The following MICAL2 variants were observed in gnomAD, a reference collection of about 807,000 sequenced individuals.
MICAL2 encodes the protein [F-actin]-monooxygenase MICAL2.
A neutral mutation model predicts 127.3 loss-of-function variants in MICAL2; 77 were observed. The observed-to-expected ratio is 0.60, with a 90% confidence interval of 0.50 to 0.73. The LOEUF (loss-of-function observed/expected upper bound fraction) is 0.73, where lower values mean the gene tolerates loss of function less well. MICAL2 is among the 30% of genes least tolerant of loss of function. MICAL2 has a pLI of 0.00. For synonymous variants in MICAL2, 570 were observed against 551.1 expected (o/e 1.03, Z -0.48); for missense variants, 1,351 against 1,434.4 (o/e 0.94, Z 0.94).
At chr11:12,171,922 A>C (rs1401505548) in intron 3 of MICAL2, among the ~76,000 whole-genome samples, 1 of 152,196 alleles carries the variant, frequency 6.6e-6, no homozygotes, top group African/African-American at 2.4e-5. Flanking sequence ...CATGTAGTAA[A>C]TATAAAAAAT....
intron 22 of MICAL2, 179 bp from the exon 23 acceptor site, chr11:12,255,464 C>T (rs1011617329): frequency 5.2e-5 from 31 of 598,856 alleles, no homozygotes; most frequent in Non-Finnish European, 6.9e-5. Flanking sequence ...ATTTTCTTTT[C>T]TCCACCTCCA....
chr11:12,175,585 C>CTGTGTGTGTG (rs71313462), intron 3 of MICAL2, among the ~76,000 whole-genome samples: 4,768 of 149,848 alleles, frequency 0.032, 127 homozygotes, highest in Non-Finnish European at 0.04. Flanking sequence ...TGTGGGGAGT[C>CTGTGTGTGTG]TGTGTGTGTG....
chr11:12,203,376 C>T (rs10831764), intron 3 of MICAL2, among the ~76,000 whole-genome samples: 25,320 of 152,130 alleles, frequency 0.17, 3,763 homozygotes, highest in East Asian at 0.42. Flanking sequence ...TTTATTTTCC[C>T]ACCAGCAATG....
downstream of MICAL2, among the ~76,000 whole-genome samples, chr11:12,291,162 G>T (rs796159398): frequency 6.6e-5 from 10 of 152,300 alleles, no homozygotes; most frequent in African/African-American, 2.2e-4. Context: ...GTTCATGGGA[G>T]AGCTGGTTGG....
At chr11:12,130,958 G>A (rs1277519480) in intron 1 of MICAL2, among the ~76,000 whole-genome samples, 2 of 152,168 alleles carry the variant, frequency 1.3e-5, no homozygotes, top group Non-Finnish European at 2.9e-5. Flanking sequence ...TCGCATGACT[G>A]GAGGAGCAGA....
chr11:12,190,203 C>T (rs1196846015), intron 3 of MICAL2, among the ~76,000 whole-genome samples: 2 of 152,050 alleles, frequency 1.3e-5, no homozygotes, highest in African/African-American at 2.4e-5. Context: ...CTAAGGGGCT[C>T]GCTGTTCTCT....
chr11:12,127,018 G>A (rs1850979832), intron 1 of MICAL2, among the ~76,000 whole-genome samples: 2 of 152,212 alleles, frequency 1.3e-5, no homozygotes, highest in African/African-American at 2.4e-5. Flanking sequence ...TGCCTGCTTT[G>A]AAGGTGGGCA....
chr11:12,168,987 A>G (rs117595659), intron 3 of MICAL2, among the ~76,000 whole-genome samples: 5,405 of 150,966 alleles, frequency 0.036, 181 homozygotes, highest in Non-Finnish European at 0.055. Context: ...AAGAGAGAGA[A>G]AAAAAAAGAC....
At chr11:12,349,125 C>T (rs886124114) in intron 32 of MICAL2, among the ~76,000 whole-genome samples, 6 of 152,102 alleles carry the variant, frequency 3.9e-5, no homozygotes, top group Admixed American at 2.6e-4. Context: ...GTGAAATATT[C>T]GAAAGCCACC....
At chr11:12,268,868 A>G (rs2641931) in intron 24 of MICAL2, among the ~76,000 whole-genome samples, 8,659 of 151,748 alleles carry the variant, frequency 0.057, 804 homozygotes, top group African/African-American at 0.19. Context: ...GCGTAGTGGC[A>G]GGCGCCTGTA....
intron 4 of MICAL2, among the ~76,000 whole-genome samples, chr11:12,206,134 G>A (rs6485578): frequency 0.21 from 32,201 of 152,072 alleles, 6,717 homozygotes; most frequent in African/African-American, 0.52. Context: ...GTGCTCTCCC[G>A]CCTATGGAAG....
At chr11:12,319,357 A>AG in intron 29 of MICAL2, among the ~76,000 whole-genome samples, 1 of 151,648 alleles carries the variant, frequency 6.6e-6, no homozygotes, top group Non-Finnish European at 1.5e-5. Context: ...TTTTAATAAT[A>AG]GATTTTATCT....
At chr11:12,173,033 AT>A (rs146529008) in intron 3 of MICAL2, among the ~76,000 whole-genome samples, 84 of 152,220 alleles carry the variant, frequency 5.5e-4, no homozygotes, top group African/African-American at 1.9e-3. Flanking sequence ...ATATACATAT[AT>A]TTTTATGTAT....
chr11:12,316,908 G>T (rs962610834), intron 29 of MICAL2, among the ~76,000 whole-genome samples: 1 of 152,046 alleles, frequency 6.6e-6, no homozygotes, highest in Non-Finnish European at 1.5e-5. Context: ...TTCATTCCCC[G>T]TGATTTTTCT....
chr11:12,273,266 T>C (rs115679414), upstream of MICAL2, among the ~76,000 whole-genome samples: 1,247 of 152,334 alleles, frequency 8.2e-3, 17 homozygotes, highest in African/African-American at 0.028. Flanking sequence ...TGAGATTTAA[T>C]AGACTTAATA....
chr11:12,111,841 C>T (rs1371745032), intron 1 of MICAL2, among the ~76,000 whole-genome samples: 2 of 152,196 alleles, frequency 1.3e-5, no homozygotes, highest in African/African-American at 4.8e-5. Flanking sequence ...CTTACTCTGT[C>T]CTGCTCCCCC....
In MICAL2 at chr11:12,120,749, G is replaced by T. The variant is rs77712044; in HGVS notation, c.-149+10023G>T. The stretch of plus-strand genomic sequence containing the variant: ...GGGCTGCCTAGAGAAGCTGAGGCTG[G>T]AATCAGGCTGCTCTGAGGCATGGAG... On this transcript the variant is annotated intron_variant, in intron 1 of 27. Transcript: ENST00000683283. Among the ~76,000 whole-genome samples, 909 of 152,340 alleles carry T rather than the reference G, an allele frequency of 6.0e-3. 9 individuals carry two copies. The highest frequency in any genetic ancestry group is 0.021 in the African/African-American group (864 of 41,578).
chr11:12,166,198 A>C (rs1362338497), intron 3 of MICAL2, among the ~76,000 whole-genome samples: 1 of 152,236 alleles, frequency 6.6e-6, no homozygotes, highest in Non-Finnish European at 1.5e-5. Flanking sequence ...GAACTTAAGC[A>C]GATGTTATGT....
intron 31 of MICAL2, chr11:12,327,123 G>A: frequency 5.4e-6 from 8 of 1,490,996 alleles, no homozygotes; most frequent in Non-Finnish European, 6.4e-6. Context: ...AGCCCCTCTT[G>A]GGACTCTATG....
Sources: gnomAD v4.1 joint callset for allele counts (sites outside exome capture counted in the v4.1 genomes callset) on GRCh38, gnomAD v4.1.1 for gene constraint, MANE v1.5 for transcripts, NCBI Gene and HGNC (gene_info 2026-07-23, HGNC 2026-07-21) for gene names.